NCKAP1: variants seen among roughly 807,000 people sequenced by gnomAD.
NCKAP1 encodes the protein nck-associated protein 1.
In NCKAP1, 21 loss-of-function variants were observed where a neutral mutation model predicts 151.2. The ratio of observed to expected loss-of-function variants is 0.14; its 90% confidence interval spans 0.10 to 0.20. NCKAP1 has a LOEUF of 0.20. Ranked by LOEUF, NCKAP1 falls within the 10% of genes least tolerant of loss-of-function variation. NCKAP1 has a pLI of 1.00. For synonymous variants in NCKAP1, 484 were observed against 451.8 expected, an observed-to-expected ratio of 1.07 and a Z score of -0.90; for missense variants, 933 against 1,352.1, an observed-to-expected ratio of 0.69 and a Z score of 4.86.
chr2:182,981,440 G>T (rs890551687), intron 12 of NCKAP1, 64 bp from the exon 13 acceptor site: 3 of 1,266,954 alleles, frequency 2.4e-6, no homozygotes, highest in Non-Finnish European at 3.4e-6. Flanking sequence ...GAATATATTC[G>T]ATGCCCTTAA....
intron 23 of NCKAP1, among the ~76,000 whole-genome samples, chr2:182,951,819 G>T (rs1334540162): frequency 8.6e-5 from 13 of 151,974 alleles, no homozygotes; most frequent in Admixed American, 8.5e-4. Context: ...TATATATACA[G>T]ATTCGTTTAA....
At chr2:182,952,689 T>C in intron 22 of NCKAP1, 104 bp downstream of exon 22, 2 of 1,283,034 alleles carry the variant, frequency 1.6e-6, no homozygotes, top group Non-Finnish European at 2.1e-6. Context: ...ACGCATATAA[T>C]TGAATGAAAT....
intron 5 of NCKAP1, 34 bp from the exon 6 acceptor site, chr2:183,002,077 T>A (rs1460410941): frequency 1.1e-5 from 17 of 1,612,406 alleles, no homozygotes; most frequent in Non-Finnish European, 1.4e-5. Flanking sequence ...CAATGAGTTG[T>A]AATCCATCAA....
intron 14 of NCKAP1, among the ~76,000 whole-genome samples, chr2:182,977,827 A>G (rs1697857201): frequency 6.6e-6 from 1 of 152,202 alleles, no homozygotes; most frequent in African/African-American, 2.4e-5. Context: ...TGAACTATAC[A>G]CTCAAAAATG....
chr2:182,975,919 ATAAG>A (rs1356566410), intron 15 of NCKAP1, among the ~76,000 whole-genome samples: 1 of 152,194 alleles, frequency 6.6e-6, no homozygotes, highest in Non-Finnish European at 1.5e-5. Flanking sequence ...ACATAAATAA[ATAAG>A]TAAATATTTT....
At chr2:183,012,621 C>CTT (rs1195286454) in intron 2 of NCKAP1, among the ~76,000 whole-genome samples, 8 of 136,364 alleles carry the variant, frequency 5.9e-5, no homozygotes, top group South Asian at 4.7e-4. Context: ...CCCCTTACGC[C>CTT]TTTTTTTTTT....
chr2:182,962,151 A>G lies in NCKAP1; in HGVS notation c.1881+8T>C, dbSNP rs747449116. 2.8e-5 allele frequency: 45 copies of G among 1,585,840 alleles called. No individual in the cohort carries two copies. Among genetic ancestry groups the G allele is most frequent in the Non-Finnish European group, 3.7e-5 (43 of 1,167,168 alleles). Reference sequence around the variant, plus strand: ...TTTCCTATCTGTTGGAAACACTTAAATCATTACCTGGTCACTAAGGGTACA... The same window carrying G: ...TTTCCTATCTGTTGGAAACACTTAAGTCATTACCTGGTCACTAAGGGTACA... On this transcript the variant is annotated splice_region_variant and intron_variant, in intron 18 of 30. Transcript: ENST00000361354.
chr2:183,038,053 T>C lies in NCKAP1; in HGVS notation c.47A>G (p.Lys16Arg). 6.3e-7 allele frequency: 1 copy of C among 1,587,842 alleles called. No individual in the cohort carries two copies. The highest frequency in any genetic ancestry group is 8.5e-7 in the Non-Finnish European group (1 of 1,173,996). Residue 16 changes from lysine (K) to arginine (R), a missense_variant, in exon 1 of 31, where the codon AAG becomes AGG. By Grantham distance (26) the Lys-to-Arg change is conservative (BLOSUM62 2). Around this residue, in one of 2 missense-constraint regions of NCKAP1, gnomAD observed 607 missense variants for 795.0 expected, o/e 0.76. Transcript: ENST00000361354. ...LQPSQQKLAE[K>R]LTILNDRGVG... ...GCCCCGGTCGTTGAGGATGGTGAGC[T>C]TCTCCGCCAGCTTCTGCTGACTGGG...
chr2:182,931,377 G>C (rs1696760689), intron 26 of NCKAP1, among the ~76,000 whole-genome samples: 1 of 151,930 alleles, frequency 6.6e-6, no homozygotes, highest in African/African-American at 2.4e-5. Context: ...TATATAACTG[G>C]TTACCTCTGA....
chr2:182,928,724 T>C (rs1006932169), intron 28 of NCKAP1, 59 bp downstream of exon 28: 1 of 1,172,628 alleles, frequency 8.5e-7, no homozygotes, highest in African/African-American at 1.6e-5. Flanking sequence ...CATATTTTAT[T>C]ATAAAATACC....
chr2:182,989,446 C>A (rs557697948), intron 8 of NCKAP1, among the ~76,000 whole-genome samples: 2 of 152,266 alleles, frequency 1.3e-5, no homozygotes, highest in African/African-American at 4.8e-5. Flanking sequence ...TGAACCAAGT[C>A]ATTTTAATAA....
chr2:183,019,544 C>A (rs897503469), intron 2 of NCKAP1, among the ~76,000 whole-genome samples: 2 of 151,972 alleles, frequency 1.3e-5, no homozygotes, highest in African/African-American at 4.8e-5. Flanking sequence ...AAGAAACCTA[C>A]GAGAAACAAA....
chr2:182,941,493 A>C (rs1696994042), intron 24 of NCKAP1, among the ~76,000 whole-genome samples: 1 of 152,262 alleles, frequency 6.6e-6, no homozygotes, highest in African/African-American at 2.4e-5. Flanking sequence ...GGCCAGACAC[A>C]AATTTAATCT....
intron 2 of NCKAP1, among the ~76,000 whole-genome samples, chr2:183,019,217 T>C (rs1409771563): frequency 6.6e-6 from 1 of 152,174 alleles, no homozygotes; most frequent in Non-Finnish European, 1.5e-5. Context: ...TTAATTTGGA[T>C]ATCAAATCCA....
intron 13 of NCKAP1, among the ~76,000 whole-genome samples, chr2:182,980,423 T>C (rs1297722847): frequency 2.0e-5 from 3 of 152,102 alleles, no homozygotes; most frequent in East Asian, 1.9e-4. Context: ...GAGAAGTCTT[T>C]ATATAAAGAG....
Position 183,038,124 on chromosome 2 carries a change from G to GCCT in NCKAP1, c.-26_-25insAGG, listed in dbSNP as rs1699142792. On this transcript the variant is annotated 5_prime_UTR_variant, in exon 1 of 31. Transcript: ENST00000361354. ...TGGTGGTGCTGGTGCCGCCGCCGCC[G>GCCT]CCGGCCGCCTCGCGCCCAGTCACGG... The GCCT allele has an allele frequency of 6.6e-7, 1 of 1,512,446 alleles. No homozygotes were observed. The highest frequency in any genetic ancestry group is 2.1e-5 in the Admixed American group (1 of 48,546). 93.7% of individuals were successfully genotyped at this position (1,512,446 alleles called of 1,614,324 possible).
intron 20 of NCKAP1, among the ~76,000 whole-genome samples, chr2:182,954,554 T>G (rs1013273395): frequency 5.9e-5 from 9 of 152,110 alleles, no homozygotes; most frequent in Non-Finnish European, 1.2e-4. Context: ...CTCAGTTGAT[T>G]GACAAAAACC....
intron 8 of NCKAP1, among the ~76,000 whole-genome samples, chr2:182,989,808 T>C (rs1289774371): frequency 6.6e-6 from 1 of 152,068 alleles, no homozygotes; most frequent in African/African-American, 2.4e-5. Context: ...GAGACCAGCC[T>C]GACCAACATG....
intron 16 of NCKAP1, among the ~76,000 whole-genome samples, chr2:182,965,731 G>A (rs1171989459): frequency 1.3e-5 from 2 of 152,136 alleles, no homozygotes; most frequent in Non-Finnish European, 2.9e-5. Context: ...TTCCAAGAAA[G>A]GGGATATGAC....
Sources: gnomAD v4.1 joint callset for allele counts (sites outside exome capture counted in the v4.1 genomes callset) on GRCh38, gnomAD v4.1.1 for gene constraint, gnomAD v4.1.1 regional missense constraint, MANE v1.5 for transcripts, NCBI Gene and HGNC (gene_info 2026-07-23, HGNC 2026-07-21) for gene names.